Variants in SIPA1L1 observed in about 807,000 individuals in gnomAD.
SIPA1L1 encodes signal induced proliferation associated 1 like 1, also known as signal-induced proliferation-associated 1-like protein 1.
A neutral mutation model predicts 162.7 loss-of-function variants in SIPA1L1; 26 were observed. That is an observed-to-expected ratio of 0.16 (90% confidence interval 0.12 to 0.22). The LOEUF (loss-of-function observed/expected upper bound fraction) is 0.22. Ranked by LOEUF, SIPA1L1 falls within the 10% of genes least tolerant of loss-of-function variation. SIPA1L1 has a pLI of 1.00. For missense variants in SIPA1L1, 1,874 were observed against 2,241.0 expected (o/e 0.84, Z 3.31); for synonymous variants, 829 against 837.4 (o/e 0.99, Z 0.17).
At chr14:71,477,375 A>G (rs1321244117) in intron 2 of SIPA1L1, among the ~76,000 whole-genome samples, 1 of 152,128 alleles carries the variant, frequency 6.6e-6, no homozygotes, top group Admixed American at 6.5e-5. Context: ...AAACAAAACA[A>G]AACAAAACAA....
intron 2 of SIPA1L1, among the ~76,000 whole-genome samples, chr14:71,357,762 C>G (rs1379110746): frequency 6.6e-6 from 1 of 152,120 alleles, no homozygotes. Flanking sequence ...CAGTTTTACT[C>G]TGTCACCCAC....
chr14:71,482,470 A>T (rs929732399), intron 2 of SIPA1L1, among the ~76,000 whole-genome samples: 1 of 152,102 alleles, frequency 6.6e-6, no homozygotes, highest in Non-Finnish European at 1.5e-5. Flanking sequence ...CCACCAGAAC[A>T]TTTCTTCTGC....
intron 4 of SIPA1L1, among the ~76,000 whole-genome samples, chr14:71,546,769 C>G (rs1188865032): frequency 7.2e-5 from 11 of 152,132 alleles, no homozygotes; most frequent in Non-Finnish European, 1.5e-4. Context: ...TGGTCTCTGT[C>G]CTTAAAGAGC....
chr14:71,640,904 C>A (rs573678353), intron 7 of SIPA1L1, among the ~76,000 whole-genome samples: 4 of 152,278 alleles, frequency 2.6e-5, no homozygotes, highest in African/African-American at 9.6e-5. Context: ...GGATTACAGG[C>A]ATGAGCCACC....
chr14:71,352,817 T>G (rs1397250941), intron 2 of SIPA1L1, among the ~76,000 whole-genome samples: 2 of 152,250 alleles, frequency 1.3e-5, no homozygotes, highest in Non-Finnish European at 2.9e-5. Context: ...TGTATACCTA[T>G]TAATGGCATG....
intron 4 of SIPA1L1, among the ~76,000 whole-genome samples, chr14:71,585,194 CAT>C (rs914092815): frequency 4.1e-4 from 61 of 149,990 alleles, no homozygotes; most frequent in African/African-American, 1.4e-3. Context: ...AAAAAAAAAA[CAT>C]AGAAAAGGAA....
chr14:71,373,905 G>C (rs868550500), intron 2 of SIPA1L1, among the ~76,000 whole-genome samples: 1 of 152,016 alleles, frequency 6.6e-6, no homozygotes, highest in South Asian at 2.1e-4. Context: ...CCTACAAAAA[G>C]TTAAGAAAAA....
chr14:71,352,630 A>G (rs967643854), intron 2 of SIPA1L1, among the ~76,000 whole-genome samples: 1 of 152,174 alleles, frequency 6.6e-6, no homozygotes. Flanking sequence ...ACCACAGTTT[A>G]CTGTCTTCTG....
At chr14:71,413,266 G>A (rs1036491144) in intron 2 of SIPA1L1, among the ~76,000 whole-genome samples, 5 of 152,144 alleles carry the variant, frequency 3.3e-5, no homozygotes, top group Admixed American at 1.3e-4. Context: ...ATTCCCATAG[G>A]CATGTGATGG....
At chr14:71,562,951 C>CT (rs2146668501) in intron 4 of SIPA1L1, among the ~76,000 whole-genome samples, 1 of 152,196 alleles carries the variant, frequency 6.6e-6, no homozygotes, top group South Asian at 2.1e-4. Context: ...CCCTTTCTTG[C>CT]TTTATTATTG....
intron 4 of SIPA1L1, among the ~76,000 whole-genome samples, chr14:71,557,288 A>G (rs925076078): frequency 2.6e-5 from 4 of 152,170 alleles, no homozygotes; most frequent in Non-Finnish European, 4.4e-5. Flanking sequence ...AAATCTGTCA[A>G]TGTTTTCTTT....
intron 5 of SIPA1L1, among the ~76,000 whole-genome samples, chr14:71,608,710 C>T (rs1473749324): frequency 1.3e-5 from 2 of 152,050 alleles, no homozygotes; most frequent in Non-Finnish European, 2.9e-5. Context: ...GCCTGACCAA[C>T]GTGGTGAAAC....
chr14:71,418,862 TG>T (rs1331237512), intron 2 of SIPA1L1, among the ~76,000 whole-genome samples: 12 of 152,212 alleles, frequency 7.9e-5, no homozygotes, highest in Non-Finnish European at 1.5e-4. Flanking sequence ...CTGGAGCTTT[TG>T]GTGCTCCTGC....
intron 16 of SIPA1L1, among the ~76,000 whole-genome samples, chr14:71,706,117 G>C (rs1177401609): frequency 6.6e-6 from 1 of 152,102 alleles, no homozygotes; most frequent in Admixed American, 6.6e-5. Context: ...ATGCATGTAA[G>C]TTTTGCTATA....
chr14:71,484,399 G>C (rs1456373009), intron 2 of SIPA1L1, among the ~76,000 whole-genome samples: 1 of 149,842 alleles, frequency 6.7e-6, no homozygotes, highest in Non-Finnish European at 1.5e-5. Context: ...TAAGTAATTA[G>C]CATTGTATTA....
chr14:71,680,955 C>T lies in SIPA1L1; in HGVS notation c.3105-4407C>T, dbSNP rs565851527. ...TTGATCCGTGGGGGTGGAGCCCTAG[C>T]CAGGGACCACTCCCTCCTCTACCCA... On this transcript the variant is annotated intron_variant, in intron 12 of 23. Coordinates refer to ENST00000381232, the MANE Select transcript of SIPA1L1 (RefSeq NM_001386936.1). Among the ~76,000 whole-genome samples the T allele has an allele frequency of 1.1e-4, 16 of 152,280 alleles. No homozygotes were observed. In the South Asian group the frequency reaches 3.3e-3, roughly 32 times the overall value.
chr14:71,719,768 A>C (rs2083551831), intron 17 of SIPA1L1, among the ~76,000 whole-genome samples: 1 of 152,230 alleles, frequency 6.6e-6, no homozygotes, highest in African/African-American at 2.4e-5. Flanking sequence ...CTGGGATTAC[A>C]GACATGAGAC....
At chr14:71,640,797 G>A (rs1170640566) in intron 7 of SIPA1L1, among the ~76,000 whole-genome samples, 2 of 152,198 alleles carry the variant, frequency 1.3e-5, no homozygotes, top group African/African-American at 4.8e-5. Flanking sequence ...GCTAACTTTT[G>A]TATTTTTAGT....
intron 2 of SIPA1L1, among the ~76,000 whole-genome samples, chr14:71,476,954 C>T (rs1012528463): frequency 6.6e-6 from 1 of 152,070 alleles, no homozygotes; most frequent in Admixed American, 6.5e-5. Flanking sequence ...TTCTACCTCG[C>T]TCAAAAAGTT....
Sources: allele counts gnomAD v4.1 joint callset (sites outside exome capture counted in the v4.1 genomes callset), GRCh38; gene constraint gnomAD v4.1.1; transcripts MANE v1.5; gene names NCBI Gene and HGNC (gene_info 2026-07-23, HGNC 2026-07-21).